Variants in SMG7 observed in about 807,000 individuals in gnomAD.
SMG7 encodes SMG7 nonsense mediated mRNA decay factor, also known as nonsense-mediated mRNA decay factor SMG7.
A neutral mutation model predicts 148.2 loss-of-function variants in SMG7; 34 were observed. The observed-to-expected ratio is 0.23, with a 90% CI of 0.17 to 0.31. SMG7 has a LOEUF of 0.31. SMG7 is among the 10% of genes least tolerant of loss of function. The pLI, the probability that SMG7 is intolerant of heterozygous loss-of-function variation, is 1.00. For missense variants in SMG7, 1,114 were observed against 1,408.4 expected, an observed-to-expected ratio of 0.79 and a Z score of 3.35; for synonymous variants, 492 against 515.1, an observed-to-expected ratio of 0.96 and a Z score of 0.61.
intron 4 of SMG7, among the ~76,000 whole-genome samples, chr1:183,521,892 CTG>C (rs1664856649): frequency 6.6e-6 from 1 of 150,868 alleles, no homozygotes; most frequent in Admixed American, 6.6e-5. Flanking sequence ...TTGCAAGTCA[CTG>C]GAGTTGGAAA....
chr1:183,512,808 CTTTTTTTTT>C lies in SMG7; in HGVS notation c.30-17_30-9del. On this transcript the variant is annotated intron_variant, in intron 1 of 22. Coordinates refer to ENST00000688051, the MANE Select transcript of SMG7 (RefSeq NM_001375584.1). The stretch of plus-strand genomic sequence containing the variant: ...GCCTCGTTTGTTTCTAACTGATACT[CTTTTTTTTT>C]TTTTTTTTTTTCTATCTAGGCAGGC... The C allele has an allele frequency of 7.0e-6, 9 of 1,278,632 alleles. No individual in the cohort carries two copies. The highest frequency in any genetic ancestry group is 3.5e-5 in the African/African-American group (2 of 56,774). The allele number at this position is 1,278,632 out of a possible 1,614,324, so 79.2% of individuals were successfully genotyped here.
chr1:183,515,469 A>G (rs1347098879), intron 2 of SMG7, among the ~76,000 whole-genome samples: 4 of 152,172 alleles, frequency 2.6e-5, no homozygotes, highest in Admixed American at 6.5e-5. Flanking sequence ...TGCTTTGGAA[A>G]AAGAGATACA....
At chr1:183,535,642 G>C (rs1438531049) in intron 10 of SMG7, among the ~76,000 whole-genome samples, 1 of 151,844 alleles carries the variant, frequency 6.6e-6, no homozygotes. Flanking sequence ...CTTATATCTG[G>C]GCCTTCTCAA....
intron 1 of SMG7, among the ~76,000 whole-genome samples, chr1:183,496,446 T>A (rs1272956652): frequency 6.6e-6 from 1 of 152,208 alleles, no homozygotes; most frequent in Non-Finnish European, 1.5e-5. Context: ...AGCTACTGCC[T>A]CTTTCTTTTC....
intron 1 of SMG7, among the ~76,000 whole-genome samples, chr1:183,492,429 T>C (rs1046890561): frequency 5.3e-5 from 8 of 152,246 alleles, no homozygotes; most frequent in Non-Finnish European, 1.2e-4. Context: ...ATGTCTTTCC[T>C]TTGACTACTA....
intron 13 of SMG7, 77 bp from the exon 14 acceptor site, chr1:183,541,999 C>T (rs1233163183): frequency 1.8e-5 from 22 of 1,214,700 alleles, no homozygotes; most frequent in Non-Finnish European, 2.5e-5. Context: ...AATATATTGA[C>T]TTGGATCCAC....
intron 1 of SMG7, among the ~76,000 whole-genome samples, chr1:183,495,580 G>C (rs1394879813): frequency 6.6e-6 from 1 of 152,024 alleles, no homozygotes; most frequent in Non-Finnish European, 1.5e-5. Flanking sequence ...TGTTCAAAAA[G>C]GCAAACTGGG....
chr1:183,477,991 G>A (rs1483318021), intron 1 of SMG7, among the ~76,000 whole-genome samples: 1 of 152,084 alleles, frequency 6.6e-6, no homozygotes, highest in African/African-American at 2.4e-5. Flanking sequence ...ATCCAATATG[G>A]TATAAAATAA....
At chr1:183,477,419 T>TGCATATGTGTATATATACATATATAC (rs1491154259) in intron 1 of SMG7, among the ~76,000 whole-genome samples, 388 of 151,876 alleles carry the variant, frequency 2.6e-3, no homozygotes, top group East Asian at 6.0e-3. Flanking sequence ...TGTGTGTGTG[T>TGCATATGTGTATATATACATATATAC]ATGTGTGCAT....
Position 183,495,080 on chromosome 1 carries a change from G to A in SMG7, c.30-17757G>A, listed in dbSNP as rs1342489036. 3.9e-5 allele frequency among the ~76,000 whole-genome samples: 6 copies of A among 151,928 alleles called. No homozygotes were observed. In the South Asian group the frequency reaches 1.0e-3, roughly 26 times the overall value. ...CTGACCTCATGATCCATCCACCTCG[G>A]CCTCTCAAAGTGCTGGGATTACAGG... On this transcript the variant is annotated intron_variant, in intron 1 of 22. Transcript: ENST00000688051.
chr1:183,484,389 G>T (rs192203825), intron 1 of SMG7, among the ~76,000 whole-genome samples: 88 of 128,756 alleles, frequency 6.8e-4, no homozygotes, highest in Admixed American at 1.6e-3. Context: ...GTCTACAATT[G>T]GTTGAATCCA....
At chr1:183,545,646 T>A (rs959153142) in intron 16 of SMG7, among the ~76,000 whole-genome samples, 1 of 152,222 alleles carries the variant, frequency 6.6e-6, no homozygotes, top group African/African-American at 2.4e-5. Flanking sequence ...AAGACAGATG[T>A]GACACCAATC....
chr1:183,494,244 A>G (rs1657816179), intron 1 of SMG7, among the ~76,000 whole-genome samples: 1 of 151,860 alleles, frequency 6.6e-6, no homozygotes, highest in Admixed American at 6.5e-5. Flanking sequence ...AATTTTATGT[A>G]TAATATAAAA....
intron 18 of SMG7, among the ~76,000 whole-genome samples, chr1:183,548,529 TA>T (rs1309207787): frequency 6.6e-6 from 1 of 152,004 alleles, no homozygotes; most frequent in African/African-American, 2.4e-5. Flanking sequence ...CAACAATGAA[TA>T]AAAAAAACTT....
chr1:183,498,484 C>T (rs1024558825), intron 1 of SMG7, among the ~76,000 whole-genome samples: 21 of 152,206 alleles, frequency 1.4e-4, no homozygotes, highest in Admixed American at 1.3e-3. Context: ...TACCACTGCA[C>T]TCCAGTCTGG....
intron 1 of SMG7, among the ~76,000 whole-genome samples, chr1:183,480,303 T>C (rs1653743490): frequency 6.6e-6 from 1 of 152,170 alleles, no homozygotes; most frequent in Non-Finnish European, 1.5e-5. Context: ...GTTCTGTCCT[T>C]CTTTACCTTT....
chr1:183,551,567 T>G lies in SMG7; in HGVS notation c.3451-251T>G, dbSNP rs1671060004. 1.3e-5 allele frequency among the ~76,000 whole-genome samples: 2 copies of G among 152,360 alleles called. 1 individual carries two copies. Among genetic ancestry groups the G allele is most frequent in the South Asian group, 4.1e-4 (2 of 4,830 alleles). ...AGTAAATGCCCTGTGTGGTACCACATACAGCTGAGTTTCAGTAAAAAGACT... is the reference window on the plus strand; with the variant it reads ...AGTAAATGCCCTGTGTGGTACCACAGACAGCTGAGTTTCAGTAAAAAGACT... On this transcript the variant is annotated intron_variant, in intron 22 of 22. Transcript: ENST00000688051.
At chr1:183,481,520 A>G (rs1654105989) in intron 1 of SMG7, among the ~76,000 whole-genome samples, 1 of 152,212 alleles carries the variant, frequency 6.6e-6, no homozygotes, top group Non-Finnish European at 1.5e-5. Flanking sequence ...TTTTAAATGT[A>G]CAGTGTACAT....
Position 183,537,214 on chromosome 1 carries a change from T to C in SMG7, c.1233T>C (p.Ser411=). 1 of 1,605,668 alleles carries C rather than the reference T, an allele frequency of 6.2e-7. No homozygotes were observed. Among genetic ancestry groups the C allele is most frequent in the Non-Finnish European group, 8.5e-7 (1 of 1,172,388 alleles). The change falls in exon 11 of 23, where the codon AGT becomes AGC. Residue 411 remains serine (S), a splice_region_variant and synonymous_variant. Coordinates refer to ENST00000688051, the MANE Select transcript of SMG7 (RefSeq NM_001375584.1). ...HPHEEDLSSI[S]ATPLPEEFEL... ...ATGAAGAGGACCTCTCAAGTATTAG[T>C]GGTAAGGGCTACCCTAACCTTGTGT... is the stretch of plus-strand genomic sequence containing the variant.
Sources: gnomAD v4.1 joint callset for allele counts (sites outside exome capture counted in the v4.1 genomes callset) on GRCh38, gnomAD v4.1.1 for gene constraint, MANE v1.5 for transcripts, NCBI Gene and HGNC (gene_info 2026-07-23, HGNC 2026-07-21) for gene names.